The following SLC8A3 variants were observed in gnomAD, a reference collection of about 807,000 sequenced individuals.
SLC8A3 encodes solute carrier family 8 member A3.
A neutral mutation model predicts 65.4 loss-of-function variants in SLC8A3; 37 were observed. The ratio of observed to expected loss-of-function variants is 0.57; its 90% confidence interval spans 0.44 to 0.74. The LOEUF (loss-of-function observed/expected upper bound fraction) is 0.74, where lower values mean the gene tolerates loss of function less well. Among genes scored for constraint, SLC8A3 ranks in the 30% least tolerant of loss-of-function variants. The pLI, the probability that SLC8A3 is intolerant of heterozygous loss-of-function variation, is 0.00. For synonymous variants in SLC8A3, 461 were observed against 444.5 expected, an observed-to-expected ratio of 1.04 and a Z score of -0.47; for missense variants, 1,112 against 1,172.1, an observed-to-expected ratio of 0.95 and a Z score of 0.75.
chr14:70,046,437 G>T lies in SLC8A3; in HGVS notation c.2390-114C>A. On this transcript the variant is annotated intron_variant, in intron 6 of 6. Transcript: ENST00000356921. The surrounding 1 kb of genome is among the most constrained non-coding windows in gnomAD (Gnocchi z 4.2). Reference sequence around the variant, plus strand: ...TGGTGGGCTGAACCCAGGAATGAGAGACAAGGGCTAGGGGGCCACTCCTAA... The same window carrying T: ...TGGTGGGCTGAACCCAGGAATGAGATACAAGGGCTAGGGGGCCACTCCTAA... 1 of 1,119,322 alleles carries T rather than the reference G, an allele frequency of 8.9e-7. No individual in the cohort carries two copies. Among genetic ancestry groups the T allele is most frequent in the Non-Finnish European group, 1.3e-6 (1 of 797,276 alleles). The allele number at this position is 1,119,322 out of a possible 1,614,324, so 69.3% of individuals were successfully genotyped here. A position where few individuals can be genotyped will look rare whatever the true frequency, so the allele number is the denominator to read the frequency against.
At chr14:70,165,568 G>A (rs1240383907) in intron 2 of SLC8A3, among the ~76,000 whole-genome samples, 1 of 152,204 alleles carries the variant, frequency 6.6e-6, no homozygotes, top group African/African-American at 2.4e-5. Flanking sequence ...TTCAGAGGAA[G>A]TTCCCGTTTG....
chr14:70,122,303 A>G (rs931374902), intron 2 of SLC8A3, among the ~76,000 whole-genome samples: 3 of 152,086 alleles, frequency 2.0e-5, no homozygotes, highest in African/African-American at 7.2e-5. Context: ...GCTCTTTTTC[A>G]CAGAAGACTC....
At chr14:70,106,402 T>C (rs1404746459) in intron 2 of SLC8A3, among the ~76,000 whole-genome samples, 1 of 152,148 alleles carries the variant, frequency 6.6e-6, no homozygotes, top group Non-Finnish European at 1.5e-5. Context: ...TGGATCTAAG[T>C]TTTATTGTAA....
At chr14:70,148,866 G>A (rs908719682) in intron 2 of SLC8A3, among the ~76,000 whole-genome samples, 4 of 152,190 alleles carry the variant, frequency 2.6e-5, no homozygotes, top group Non-Finnish European at 4.4e-5. Flanking sequence ...GAGTGGGGCC[G>A]TGATCAGGGC....
chr14:70,125,885 T>A (rs979457633), intron 2 of SLC8A3, among the ~76,000 whole-genome samples: 9 of 152,208 alleles, frequency 5.9e-5, no homozygotes, highest in Non-Finnish European at 4.4e-5. Context: ...TGAGAACCAC[T>A]GGTTTAAGGA....
intron 2 of SLC8A3, among the ~76,000 whole-genome samples, chr14:70,132,755 A>G (rs1182090770): frequency 6.6e-6 from 1 of 152,218 alleles, no homozygotes; most frequent in African/African-American, 2.4e-5. Flanking sequence ...TGCTATGAGC[A>G]AATGTGTGTT....
intron 1 of SLC8A3, among the ~76,000 whole-genome samples, chr14:70,182,616 G>C (rs556362595): frequency 1.8e-4 from 27 of 152,132 alleles, no homozygotes; most frequent in Non-Finnish European, 3.2e-4. Context: ...ATATTTTGGG[G>C]AATGAGCAGT....
chr14:70,110,011 A>G (rs780574467), intron 2 of SLC8A3, among the ~76,000 whole-genome samples: 1 of 151,986 alleles, frequency 6.6e-6, no homozygotes, highest in East Asian at 1.9e-4. Flanking sequence ...TGTAGAATAC[A>G]TCTACTTTTG....
At chr14:70,159,781 C>T (rs1896780524) in intron 2 of SLC8A3, among the ~76,000 whole-genome samples, 1 of 152,214 alleles carries the variant, frequency 6.6e-6, no homozygotes, top group South Asian at 2.1e-4. Flanking sequence ...TTAGCACCTT[C>T]CCAAGCAGTG....
chr14:70,049,091 T>C, intron 5 of SLC8A3, 49 bp from the exon 6 acceptor site: 14 of 1,547,136 alleles, frequency 9.0e-6, no homozygotes, highest in Non-Finnish European at 1.2e-5. Flanking sequence ...AGTCAGATAA[T>C]CATTCATGAG....
At chr14:70,146,875 A>C (rs1359163093) in intron 2 of SLC8A3, among the ~76,000 whole-genome samples, 1 of 152,242 alleles carries the variant, frequency 6.6e-6, no homozygotes, top group Non-Finnish European at 1.5e-5. Flanking sequence ...AGCTTTGTGA[A>C]GGCAGGAGTT....
chr14:70,174,662 GTTTTTTTTTT>G (rs10527244), intron 1 of SLC8A3, among the ~76,000 whole-genome samples: 1 of 66,516 alleles, frequency 1.5e-5, no homozygotes, highest in African/African-American at 5.1e-5. Flanking sequence ...TTTTTTTTTT[GTTTTTTTTTT>G]TTTTTTTTTT....
chr14:70,145,931 A>AGAAG (rs758465525), intron 2 of SLC8A3, among the ~76,000 whole-genome samples: 15 of 144,806 alleles, frequency 1.0e-4, no homozygotes, highest in African/African-American at 1.2e-4. Context: ...ATGGAAGGAA[A>AGAAG]GAAGGAAGGA....
rs930638950 is a variant in SLC8A3, at chr14:70,106,161, C to T, written c.1785-45222G>A. ...AAAACTGACAGAAAACATATTAAAG[C>T]AAACTGGAAACAAAGCAAGAATGTC... On this transcript the variant is annotated intron_variant, in intron 2 of 6. Transcript: ENST00000356921. Among the ~76,000 whole-genome samples, 61 of 151,962 alleles carry T rather than the reference C, an allele frequency of 4.0e-4. 1 individual carries two copies. Among genetic ancestry groups the T allele is most frequent in the African/African-American group, 1.4e-3 (59 of 41,352 alleles).
At chr14:70,139,545 AG>A (rs1895429414) in intron 2 of SLC8A3, among the ~76,000 whole-genome samples, 1 of 152,190 alleles carries the variant, frequency 6.6e-6, no homozygotes, top group Admixed American at 6.5e-5. Context: ...CCAGGCGAGG[AG>A]GAACAGTAGC....
intron 2 of SLC8A3, among the ~76,000 whole-genome samples, chr14:70,156,352 T>A (rs1472778960): frequency 1.3e-5 from 2 of 152,242 alleles, no homozygotes; most frequent in Non-Finnish European, 2.9e-5. Context: ...AATAATTTCA[T>A]TCTTATGCAT....
At chr14:70,102,240 A>G (rs1892595346) in intron 2 of SLC8A3, among the ~76,000 whole-genome samples, 1 of 152,252 alleles carries the variant, frequency 6.6e-6, no homozygotes, top group African/African-American at 2.4e-5. Flanking sequence ...AGGAGCATAC[A>G]ATAGAGCAAG....
At chr14:70,074,170 A>T (rs1049714734) in intron 2 of SLC8A3, among the ~76,000 whole-genome samples, 3 of 152,212 alleles carry the variant, frequency 2.0e-5, no homozygotes, top group Non-Finnish European at 4.4e-5. Flanking sequence ...GCACTGGATG[A>T]CAGAACAGCC....
At chr14:70,072,625 C>G (rs1449322061) in intron 2 of SLC8A3, among the ~76,000 whole-genome samples, 1 of 151,926 alleles carries the variant, frequency 6.6e-6, no homozygotes, top group African/African-American at 2.4e-5. Context: ...ATCCATCCAT[C>G]CATCCATCTC....
Sources: allele counts gnomAD v4.1 joint callset (sites outside exome capture counted in the v4.1 genomes callset), GRCh38; gene constraint gnomAD v4.1.1; non-coding constraint Gnocchi (gnomAD v3.1); transcripts MANE v1.5; gene names NCBI Gene and HGNC (gene_info 2026-07-23, HGNC 2026-07-21).